The following SLC9A7 variants were observed in gnomAD, a reference collection of about 807,000 sequenced individuals.
SLC9A7 encodes solute carrier family 9 member A7.
Under a neutral mutation model 52.6 loss-of-function variants are expected in SLC9A7, and 19 were observed. The observed-to-expected ratio is 0.36, with a 90% confidence interval of 0.25 to 0.53. SLC9A7 has a LOEUF of 0.53. Ranked by LOEUF, SLC9A7 falls within the 20% of genes least tolerant of loss-of-function variation. The pLI, the probability that SLC9A7 is intolerant of heterozygous loss-of-function variation, is 0.91. For synonymous variants in SLC9A7, 226 were observed against 252.1 expected, an observed-to-expected ratio of 0.90 and a Z score of 0.98; for missense variants, 455 against 597.9, an observed-to-expected ratio of 0.76 and a Z score of 2.49.
intron 1 of SLC9A7, among the ~76,000 whole-genome samples, chrX:46,683,058 G>C (rs1356803505): frequency 9.6e-6 from 1 of 104,245 alleles, no homozygotes; most frequent in African/African-American, 3.5e-5. Flanking sequence ...TGATCTGCTG[G>C]CTTCAGCTTC....
intron 1 of SLC9A7, among the ~76,000 whole-genome samples, chrX:46,683,481 G>A (rs752854853): frequency 7.2e-5 from 8 of 111,629 alleles, no homozygotes; most frequent in Non-Finnish European, 1.1e-4. Context: ...TCAGGGGCTG[G>A]AGAGCTGGCT....
intron 1 of SLC9A7, among the ~76,000 whole-genome samples, chrX:46,718,366 C>T (rs1944804023): frequency 1.8e-5 from 2 of 111,942 alleles, no homozygotes; most frequent in South Asian, 3.7e-4. Context: ...CTAGGCAATA[C>T]CATTCAGGAC....
rs1491295251 is a variant in SLC9A7 at position 46,730,670 on chromosome X, T to TAATATATATATATATATA, written c.325+28034_325+28035insTATATATATATATATATT. On this transcript the variant is annotated intron_variant, in intron 1 of 16. Coordinates refer to ENST00000616978, the MANE Select transcript of SLC9A7 (RefSeq NM_001257291.2). Reference sequence around the variant, plus strand: ...GCGAGACTGTCTCAAAAAAAAAAAATTATATATATATATATATATATATAT... The same window carrying TAATATATATATATATATA: ...GCGAGACTGTCTCAAAAAAAAAAAATAATATATATATATATATATATATATATATATATATATATATAT... 6.1e-4 allele frequency among the ~76,000 whole-genome samples: 26 copies of TAATATATATATATATATA among 42,926 alleles called. 3 individuals carry two copies. The highest frequency in any genetic ancestry group is 1.7e-3 in the African/African-American group (26 of 15,500). 37.3% of individuals were successfully genotyped at this position (42,926 alleles called of 115,157 possible). A position where few individuals can be genotyped will look rare whatever the true frequency, so the allele number is the denominator to read the frequency against.
rs1299246665 is a variant in SLC9A7 at position 46,602,943 on chromosome X, A to G, written c.*4009T>C. 8.9e-6 allele frequency: 1 copy of G among 112,626 alleles called. No individual in the cohort carries two copies. Among genetic ancestry groups the G allele is most frequent in the Admixed American group, 9.4e-5 (1 of 10,634 alleles). The allele number at this position is 112,626 out of a possible 1,213,427, so 9.3% of individuals were successfully genotyped here. A position where few individuals can be genotyped will look rare whatever the true frequency, so the allele number is the denominator to read the frequency against. On this transcript the variant is annotated 3_prime_UTR_variant, in exon 17 of 17. Coordinates refer to ENST00000616978, the MANE Select transcript of SLC9A7 (RefSeq NM_001257291.2). The stretch of plus-strand genomic sequence containing the variant: ...TTAGGACCAAAGGTCAAAAATTAGG[A>G]CCAAAGTGCCTTACTTTGATTCACC...
intron 1 of SLC9A7, among the ~76,000 whole-genome samples, chrX:46,730,606 G>A (rs1212404639): frequency 1.1e-5 from 1 of 95,054 alleles, no homozygotes; most frequent in African/African-American, 3.7e-5. Flanking sequence ...GCTGCAGTGA[G>A]CCTAGATCAC....
rs1556294999 is a variant in SLC9A7 at position 46,758,922 on chromosome X, C to T, written c.108G>A (p.Ala36=). Residue 36 remains alanine, a synonymous_variant, in exon 1 of 17, where the codon GCG becomes GCA. Coordinates refer to ENST00000616978, the MANE Select transcript of SLC9A7 (RefSeq NM_001257291.2). ...PLLLGWGLRV[A]AAASASSSGA... is the part of the protein sequence containing the mutation. ...CAGAGGAGGAGGCCGAGGCCGCGGC[C>T]GCGACTCGCAGCCCCCAACCCAGCA... 1 of 1,149,841 alleles carries T rather than the reference C, an allele frequency of 8.7e-7. No homozygotes were observed. Among genetic ancestry groups the T allele is most frequent in the Admixed American group, 2.6e-5 (1 of 38,539 alleles). 94.8% of individuals were successfully genotyped at this position (1,149,841 alleles called of 1,213,427 possible).
intron 10 of SLC9A7, among the ~76,000 whole-genome samples, chrX:46,650,835 G>A (rs1056827640): frequency 9.0e-6 from 1 of 111,553 alleles, no homozygotes; most frequent in African/African-American, 3.3e-5. Context: ...AGAAAAGGCA[G>A]AAAGGATGAT....
chrX:46,694,907 C>T (rs1944428504), intron 1 of SLC9A7, among the ~76,000 whole-genome samples: 1 of 112,216 alleles, frequency 8.9e-6, no homozygotes, highest in African/African-American at 3.2e-5. Context: ...GAACTTGATA[C>T]ATGCTACAAC....
intron 1 of SLC9A7, among the ~76,000 whole-genome samples, chrX:46,682,959 A>ATTTTTTTTTTTTT (rs1276924527): frequency 3.2e-5 from 2 of 62,462 alleles, no homozygotes; most frequent in African/African-American, 1.6e-4. Flanking sequence ...ACACCCGGCT[A>ATTTTTTTTTTTTT]ATTTTTTTTT....
chrX:46,647,226 C>T (rs1602172502), intron 11 of SLC9A7: 1 of 208,313 alleles, frequency 4.8e-6, no homozygotes, highest in East Asian at 1.2e-4. Flanking sequence ...CACTTCGCCT[C>T]CTTGTGGCTC....
intron 1 of SLC9A7, among the ~76,000 whole-genome samples, chrX:46,707,799 G>A (rs1028581349): frequency 9.0e-6 from 1 of 111,700 alleles, no homozygotes; most frequent in African/African-American, 3.3e-5. Flanking sequence ...GAGTGCAGTG[G>A]CACGATCTCA....
At chrX:46,648,829 C>G (rs901672720) in intron 10 of SLC9A7, 32 bp from the exon 11 acceptor site, 1 of 1,063,067 alleles carries the variant, frequency 9.4e-7, no homozygotes, top group Admixed American at 2.2e-5. Flanking sequence ...AAGGGACCAA[C>G]AGTTTCCAGA....
At chrX:46,725,516 G>T in intron 1 of SLC9A7, 1 of 956,273 alleles carries the variant, frequency 1.0e-6, no homozygotes, top group Non-Finnish European at 1.5e-6. Context: ...TGGTCTTGGT[G>T]TCCTTCAATG....
chrX:46,670,450 T>C (rs1206494787), intron 4 of SLC9A7, among the ~76,000 whole-genome samples: 1 of 111,089 alleles, frequency 9.0e-6, no homozygotes, highest in Non-Finnish European at 1.9e-5. Context: ...GTGAGGAGTG[T>C]GAAAAGGTCT....
At chrX:46,617,627 C>T (rs1412103642) in intron 15 of SLC9A7, among the ~76,000 whole-genome samples, 1 of 112,465 alleles carries the variant, frequency 8.9e-6, no homozygotes, top group Non-Finnish European at 1.9e-5. Flanking sequence ...ATAAAATCAT[C>T]TGGACAAATT....
chrX:46,658,361 A>G (rs1376896450), intron 7 of SLC9A7, among the ~76,000 whole-genome samples: 1 of 102,429 alleles, frequency 9.8e-6, no homozygotes, highest in Non-Finnish European at 2.0e-5. Flanking sequence ...AAGGCAAGAA[A>G]TAACTAAAAT....
At chrX:46,711,899 TACACACACACACACACACACAC>T (rs57570264) in intron 1 of SLC9A7, among the ~76,000 whole-genome samples, 3 of 91,187 alleles carry the variant, frequency 3.3e-5, no homozygotes, top group African/African-American at 1.3e-4. Flanking sequence ...GCCTCTAAAT[TACACACACACACACACACACAC>T]ACACACACAC....
chrX:46,605,440 A>C lies in SLC9A7; in HGVS notation c.*1512T>G, dbSNP rs1176109384. On this transcript the variant is annotated 3_prime_UTR_variant, in exon 17 of 17. Transcript: ENST00000616978. The stretch of plus-strand genomic sequence containing the variant: ...TCACACCCACATGTTAAGCTGGTGC[A>C]GCAGCCTCCCCAGATACAAGGAAAA... 1 of 111,492 alleles carries C rather than the reference A, an allele frequency of 9.0e-6. No homozygotes were observed. Among genetic ancestry groups the C allele is most frequent in the South Asian group, 3.8e-4 (1 of 2,657 alleles). 9.2% of individuals were successfully genotyped at this position (111,492 alleles called of 1,213,427 possible). A position where few individuals can be genotyped will look rare whatever the true frequency, so the allele number is the denominator to read the frequency against.
At position 46,718,596 on chromosome X, in the gene SLC9A7, A is replaced by G. The variant is rs190229544; in HGVS notation, c.326-36061T>C. Reference sequence around the variant, plus strand: ...AATCTACAAAGAACTTAACAAATTTACAAGAAAAAATCAAACAACCCCATC... The same window carrying G: ...AATCTACAAAGAACTTAACAAATTTGCAAGAAAAAATCAAACAACCCCATC... On this transcript the variant is annotated intron_variant, in intron 1 of 16. Transcript: ENST00000616978. Among the ~76,000 whole-genome samples, 14 of 112,658 alleles carry G rather than the reference A, an allele frequency of 1.2e-4. No individual in the cohort carries two copies. The East Asian group carries it at 3.9e-3, about 31-fold the overall frequency.
Sources: allele counts gnomAD v4.1 joint callset (sites outside exome capture counted in the v4.1 genomes callset), GRCh38; gene constraint gnomAD v4.1.1; transcripts MANE v1.5; gene names NCBI Gene and HGNC (gene_info 2026-07-23, HGNC 2026-07-21).